Variants in CERS6 observed in about 807,000 individuals in gnomAD.
The protein encoded by CERS6 is LAG1 homolog, ceramide synthase 6.
In CERS6, 26 loss-of-function variants were observed where a neutral mutation model predicts 56.8. The observed-to-expected ratio is 0.46, with a 90% CI of 0.34 to 0.63. The LOEUF (loss-of-function observed/expected upper bound fraction) is 0.63, where lower values mean the gene tolerates loss of function less well. CERS6 is among the 30% of genes least tolerant of loss of function. The pLI is 0.01. For missense variants in CERS6, 415 were observed against 467.5 expected, an observed-to-expected ratio of 0.89 and a Z score of 1.04; for synonymous variants, 164 against 173.3, an observed-to-expected ratio of 0.95 and a Z score of 0.42.
intron 3 of CERS6, among the ~76,000 whole-genome samples, chr2:168,622,424 T>C (rs1172894908): frequency 6.6e-6 from 1 of 151,582 alleles, no homozygotes; most frequent in Non-Finnish European, 1.5e-5. Context: ...GTAATGTCTA[T>C]CCTGAATTTA....
chr2:168,670,971 C>CCCT (rs1559045222), intron 4 of CERS6, among the ~76,000 whole-genome samples: 1 of 57,000 alleles, frequency 1.8e-5, no homozygotes, highest in African/African-American at 3.9e-5. Flanking sequence ...ATGCTTCCCC[C>CCCT]CCCCCCCCCA....
intron 3 of CERS6, among the ~76,000 whole-genome samples, chr2:168,627,101 T>C (rs1684607935): frequency 6.6e-6 from 1 of 152,216 alleles, no homozygotes; most frequent in African/African-American, 2.4e-5. Flanking sequence ...TCTTAGTCTA[T>C]TTCTGTTATC....
chr2:168,621,455 TATAAG>T (rs1278992717), intron 3 of CERS6, among the ~76,000 whole-genome samples: 1 of 152,202 alleles, frequency 6.6e-6, no homozygotes, highest in African/African-American at 2.4e-5. Flanking sequence ...AGCTGACAAT[TATAAG>T]ATTAGTGTAT....
rs1210385422 is a variant in CERS6 at position 168,769,663 on chromosome 2, T to C, written c.*1T>C. 1 of 1,610,268 alleles carries C rather than the reference T, an allele frequency of 6.2e-7. No homozygotes were observed. The highest frequency in any genetic ancestry group is 1.1e-5 in the South Asian group (1 of 89,876). On this transcript the variant is annotated 3_prime_UTR_variant, in exon 10 of 10. Transcript: ENST00000305747. ...TGGCTCCTGCTCCATGGATGATTAA[T>C]TACTCAAAACTACAAGTCCCAAGCA...
intron 3 of CERS6, among the ~76,000 whole-genome samples, chr2:168,575,837 C>T (rs1225034280): frequency 6.6e-6 from 1 of 152,130 alleles, no homozygotes; most frequent in African/African-American, 2.4e-5. Context: ...TTCTGCCCAC[C>T]TGCCCCAACC....
At chr2:168,477,795 CGCTT>C (rs1332177870) in intron 1 of CERS6, among the ~76,000 whole-genome samples, 1 of 152,190 alleles carries the variant, frequency 6.6e-6, no homozygotes, top group Non-Finnish European at 1.5e-5. Context: ...AACTTGCAAA[CGCTT>C]GCCAATTGAC....
chr2:168,484,717 G>T lies in CERS6; in HGVS notation c.170+28099G>T, dbSNP rs1694244399. ...TATGGGTTTTTTTCCCTTCAGATTA[G>T]AACAGGGGCTTTAGTGTCTTTTTCA... On this transcript the variant is annotated intron_variant, in intron 1 of 9. Transcript: ENST00000305747. Among the ~76,000 whole-genome samples the T allele has an allele frequency of 2.0e-5, 3 of 151,694 alleles. No individual in the cohort carries two copies. The South Asian group carries it at 6.2e-4, about 32-fold the overall frequency.
chr2:168,595,600 CTTAAA>C (rs1683778927), intron 3 of CERS6, among the ~76,000 whole-genome samples: 2 of 152,108 alleles, frequency 1.3e-5, no homozygotes. Flanking sequence ...AAAATGTAAA[CTTAAA>C]TTTAAGGCTG....
chr2:168,720,109 T>C (rs943683579), intron 8 of CERS6, among the ~76,000 whole-genome samples: 14 of 151,260 alleles, frequency 9.3e-5, no homozygotes, highest in Non-Finnish European at 1.8e-4. Flanking sequence ...TTTTTTTTTT[T>C]AGTAGAGACG....
chr2:168,707,543 G>A (rs968678926), intron 6 of CERS6, among the ~76,000 whole-genome samples: 13 of 152,254 alleles, frequency 8.5e-5, no homozygotes, highest in South Asian at 2.1e-4. Context: ...TTAGAGTTTC[G>A]AAGAGCCTTA....
At chr2:168,473,393 G>C (rs1006962516) in intron 1 of CERS6, among the ~76,000 whole-genome samples, 5 of 151,974 alleles carry the variant, frequency 3.3e-5, no homozygotes, top group Non-Finnish European at 5.9e-5. Context: ...TACAAAAAGG[G>C]CACAACAACA....
chr2:168,733,643 A>G (rs758680228), intron 8 of CERS6, among the ~76,000 whole-genome samples: 18 of 152,346 alleles, frequency 1.2e-4, no homozygotes, highest in Admixed American at 2.0e-4. Flanking sequence ...ATATAAAGTT[A>G]AGAGATAAGC....
At chr2:168,558,556 A>G (rs1442243786) in intron 2 of CERS6, among the ~76,000 whole-genome samples, 3 of 152,236 alleles carry the variant, frequency 2.0e-5, no homozygotes, top group South Asian at 4.1e-4. Context: ...GTTTGCTTAT[A>G]TTTGTGTAAA....
At chr2:168,555,523 A>C (rs1695659066) in intron 2 of CERS6, among the ~76,000 whole-genome samples, 1 of 152,110 alleles carries the variant, frequency 6.6e-6, no homozygotes, top group Non-Finnish European at 1.5e-5. Flanking sequence ...ATTTTAACTT[A>C]TATAAAAAAA....
chr2:168,750,777 C>G (rs1684242519), intron 8 of CERS6, among the ~76,000 whole-genome samples: 1 of 152,088 alleles, frequency 6.6e-6, no homozygotes, highest in South Asian at 2.1e-4. Context: ...CAAAGAGGAT[C>G]ACGGTTCATT....
At chr2:168,745,035 C>T (rs1001444591) in intron 8 of CERS6, among the ~76,000 whole-genome samples, 2 of 152,062 alleles carry the variant, frequency 1.3e-5, no homozygotes, top group Non-Finnish European at 2.9e-5. Context: ...GGTTGGGAAC[C>T]ATCAGCCTAT....
At chr2:168,683,647 T>G (rs1177658412) in intron 4 of CERS6, among the ~76,000 whole-genome samples, 1 of 152,206 alleles carries the variant, frequency 6.6e-6, no homozygotes, top group Non-Finnish European at 1.5e-5. Context: ...CTCTTTGTCA[T>G]TCATCTTTTC....
chr2:168,585,284 A>G (rs529602757), intron 3 of CERS6, among the ~76,000 whole-genome samples: 2 of 152,352 alleles, frequency 1.3e-5, no homozygotes, highest in East Asian at 1.9e-4. Context: ...TCACTCATTC[A>G]TCTAACAGTA....
chr2:168,725,242 A>T (rs966204456), intron 8 of CERS6, among the ~76,000 whole-genome samples: 1 of 152,266 alleles, frequency 6.6e-6, no homozygotes, highest in African/African-American at 2.4e-5. Flanking sequence ...CTGGCCTGCA[A>T]GCGCTGCACG....
Sources: allele counts gnomAD v4.1 joint callset (sites outside exome capture counted in the v4.1 genomes callset), GRCh38; gene constraint gnomAD v4.1.1; transcripts MANE v1.5; gene names NCBI Gene and HGNC (gene_info 2026-07-23, HGNC 2026-07-21).